Variants in HEMK2 observed in about 807,000 individuals in gnomAD.
The protein encoded by HEMK2 is methyltransferase HEMK2.
chr21:28,816,079 G>A, the HEMK2 span, among the ~76,000 whole-genome samples: 1 of 152,196 alleles, frequency 6.6e-6, no homozygotes, highest in Non-Finnish European at 1.5e-5. Flanking sequence ...GGCAGCAAGA[G>A]ATGGCATCTG....
the HEMK2 span, among the ~76,000 whole-genome samples, chr21:28,666,232 C>T: frequency 6.6e-6 from 1 of 152,142 alleles, no homozygotes; most frequent in Admixed American, 6.6e-5. Flanking sequence ...TTTCTTCTTA[C>T]TCTGTCTCCC....
chr21:28,882,136 A>G, the HEMK2 span: 13 of 1,537,154 alleles, frequency 8.5e-6, no homozygotes, highest in Non-Finnish European at 1.1e-5. Flanking sequence ...AAAGAAAATT[A>G]TTACTGGACA....
chr21:28,874,099 C>A, the HEMK2 span: 5 of 152,214 alleles, frequency 3.3e-5, no homozygotes, highest in African/African-American at 4.8e-5. Context: ...TTATTACTGT[C>A]TTCAAAATGC....
At chr21:28,589,509 T>C in the HEMK2 span, among the ~76,000 whole-genome samples, 1 of 152,296 alleles carries the variant, frequency 6.6e-6, no homozygotes, top group East Asian at 1.9e-4. Flanking sequence ...GATAAACTCG[T>C]TTGCTATGGG....
chr21:28,869,642 T>C, the HEMK2 span, among the ~76,000 whole-genome samples: 1 of 152,178 alleles, frequency 6.6e-6, no homozygotes, highest in African/African-American at 2.4e-5. Flanking sequence ...TTTTTCCATA[T>C]CCACGCTGAC....
chr21:28,731,275 C>T, the HEMK2 span, among the ~76,000 whole-genome samples: 6 of 152,124 alleles, frequency 3.9e-5, no homozygotes, highest in African/African-American at 7.2e-5. Flanking sequence ...GCTTATAGAG[C>T]TTGAGTAACC....
At chr21:28,830,352 C>T in the HEMK2 span, among the ~76,000 whole-genome samples, 3 of 152,148 alleles carry the variant, frequency 2.0e-5, no homozygotes, top group South Asian at 6.2e-4. Flanking sequence ...GCACTTCCCC[C>T]CCTTCACTCT....
chr21:28,681,491 G>A, the HEMK2 span, among the ~76,000 whole-genome samples: 1 of 152,060 alleles, frequency 6.6e-6, no homozygotes, highest in Admixed American at 6.6e-5. Context: ...GTAATTTATA[G>A]ATTCAATGCC....
chr21:28,743,537 T>C, the HEMK2 span, among the ~76,000 whole-genome samples: 2 of 150,924 alleles, frequency 1.3e-5, no homozygotes, highest in South Asian at 2.1e-4. Flanking sequence ...TAACAAGTCA[T>C]TGGGATGCAG....
At chr21:28,752,482 C>T in the HEMK2 span, among the ~76,000 whole-genome samples, 2 of 152,338 alleles carry the variant, frequency 1.3e-5, no homozygotes, top group East Asian at 3.9e-4. Flanking sequence ...CTTGATGCTT[C>T]TTCCATAGTC....
the HEMK2 span, among the ~76,000 whole-genome samples, chr21:28,753,377 A>G: frequency 6.7e-6 from 1 of 150,008 alleles, no homozygotes; most frequent in Non-Finnish European, 1.5e-5. Flanking sequence ...AAAAAAAAGT[A>G]GAAGGTAACG....
the HEMK2 span, among the ~76,000 whole-genome samples, chr21:28,680,985 C>G: frequency 2.0e-5 from 3 of 152,110 alleles, no homozygotes; most frequent in South Asian, 4.1e-4. Flanking sequence ...CCTTTGAAAA[C>G]TGGCACAAGA....
At chr21:28,581,114 T>C in the HEMK2 span, among the ~76,000 whole-genome samples, 1 of 152,260 alleles carries the variant, frequency 6.6e-6, no homozygotes, top group African/African-American at 2.4e-5. Flanking sequence ...GTCAAGCAGT[T>C]TCACTGTGCA....
chr21:28,578,874 C>T, the HEMK2 span, among the ~76,000 whole-genome samples: 1 of 152,138 alleles, frequency 6.6e-6, no homozygotes, highest in Non-Finnish European at 1.5e-5. Flanking sequence ...TAAGTATGTG[C>T]AACGGCTCAC....
the HEMK2 span, among the ~76,000 whole-genome samples, chr21:28,879,507 C>T: frequency 6.6e-6 from 1 of 152,226 alleles, no homozygotes; most frequent in Non-Finnish European, 1.5e-5. Flanking sequence ...TCCCAAAGTA[C>T]AGGATTACAG....
chr21:28,743,327 A>G, the HEMK2 span: 2 of 152,222 alleles, frequency 1.3e-5, no homozygotes, highest in African/African-American at 2.4e-5. Context: ...GGGGATGTGT[A>G]CATTTGCTAG....
chr21:28,670,281 C>A, the HEMK2 span, among the ~76,000 whole-genome samples: 2 of 152,072 alleles, frequency 1.3e-5, no homozygotes, highest in African/African-American at 4.8e-5. Flanking sequence ...GGCAAAGGAA[C>A]TGATGCAAAT....
At chr21:28,799,332 G>A in the HEMK2 span, among the ~76,000 whole-genome samples, 32 of 152,262 alleles carry the variant, frequency 2.1e-4, no homozygotes, top group African/African-American at 7.2e-4. Context: ...CAGATCTCAT[G>A]AGACTTATTC....
chr21:28,709,107 C>T, the HEMK2 span, among the ~76,000 whole-genome samples: 1 of 152,244 alleles, frequency 6.6e-6, no homozygotes, highest in African/African-American at 2.4e-5. Context: ...TCTATAAGGG[C>T]ACTAATCCCA....
Sources: gnomAD v4.1 joint callset for allele counts (sites outside exome capture counted in the v4.1 genomes callset) on GRCh38, gnomAD v4.1.1 for gene constraint, MANE v1.5 for transcripts, NCBI Gene and HGNC (gene_info 2026-07-23, HGNC 2026-07-21) for gene names.